ATF7IP: variants seen among roughly 807,000 people sequenced by gnomAD.
The protein encoded by ATF7IP is activating transcription factor 7-interacting protein 1.
In ATF7IP, 23 loss-of-function variants were observed where a neutral mutation model predicts 106.4. That is an observed-to-expected ratio of 0.22 (90% CI 0.16 to 0.31). The LOEUF (loss-of-function observed/expected upper bound fraction) is 0.31, where lower values mean the gene tolerates loss of function less well. Ranked by LOEUF, ATF7IP falls within the 10% of genes least tolerant of loss-of-function variation. ATF7IP has a pLI of 1.00. For missense variants in ATF7IP, 1,334 were observed against 1,524.3 expected (o/e 0.88, Z 2.08); for synonymous variants, 542 against 539.0 (o/e 1.01, Z -0.08).
chr12:14,467,492 G>C (rs1357675750), intron 10 of ATF7IP, among the ~76,000 whole-genome samples: 1 of 152,124 alleles, frequency 6.6e-6, no homozygotes, highest in African/African-American at 2.4e-5. Context: ...AGTTGTGATT[G>C]TTTCTGAGCA....
chr12:14,408,039 T>C (rs142155606), intron 1 of ATF7IP, among the ~76,000 whole-genome samples: 90 of 152,148 alleles, frequency 5.9e-4, no homozygotes, highest in African/African-American at 2.1e-3. Flanking sequence ...GAAACTTTAA[T>C]GTATTAGGAC....
chr12:14,460,304 T>C (rs2136720202), intron 8 of ATF7IP, among the ~76,000 whole-genome samples, 191 bp from the exon 9 acceptor site: 1 of 152,304 alleles, frequency 6.6e-6, no homozygotes, highest in African/African-American at 2.4e-5. Flanking sequence ...TAAAACTACA[T>C]GCAAAATGCT....
chr12:14,388,674 T>C (rs1454470305), intron 1 of ATF7IP, among the ~76,000 whole-genome samples: 2 of 152,040 alleles, frequency 1.3e-5, no homozygotes, highest in Non-Finnish European at 2.9e-5. Context: ...GGAGACAGAG[T>C]CTCACTCTGT....
rs144177527 is a variant in ATF7IP at position 14,483,152 on chromosome 12, T to C, written c.3280+1967T>C. ...CTTCTACTACCCATTCTGTGTTCTC[T>C]TTGCCTTCAGCAAGCACCTCAGCTG... is the stretch of plus-strand genomic sequence containing the variant. On this transcript the variant is annotated intron_variant, in intron 13 of 14. Transcript: ENST00000261168. Among the ~76,000 whole-genome samples, 5 of 152,352 alleles carry C rather than the reference T, an allele frequency of 3.3e-5. No homozygotes were observed. In the East Asian group the frequency reaches 9.6e-4, roughly 29 times the overall value.
chr12:14,425,056 C>T lies in ATF7IP; in HGVS notation c.1141C>T (p.Leu381Phe), dbSNP rs755332845. 2.5e-6 allele frequency: 4 copies of T among 1,604,732 alleles called. No homozygotes were observed. The highest frequency in any genetic ancestry group is 3.4e-6 in the Non-Finnish European group (4 of 1,177,574). ...VEEDIITELA[L>F]GEDAISSSME... is the part of the protein sequence containing the mutation. ...GGAAGATATTATCACAGAGCTTGCT[C>T]TTGGAGAAGATGCTATATCTAGCAG... Residue 381 changes from leucine to phenylalanine, a missense_variant, in exon 2 of 15, where the codon CTT (leucine) becomes TTT (phenylalanine). Physicochemically the swap from Leu to Phe is conservative, Grantham distance 22 (BLOSUM62 0). Transcript: ENST00000261168.
chr12:14,475,923 G>A lies in ATF7IP; in HGVS notation c.2896G>A (p.Val966Ile), dbSNP rs748393012. Residue 966 changes from valine (V) to isoleucine (I), a missense_variant, in exon 11 of 15, where the codon GTC becomes ATC. By Grantham distance (29) the Val-to-Ile change is conservative. Coordinates refer to ENST00000261168, the MANE Select transcript of ATF7IP (RefSeq NM_018179.5). ...GKATGSDSSGVIDLTMDDEES... is the reference protein window; with the variant it reads ...GKATGSDSSGIIDLTMDDEES... Reference sequence around the variant, plus strand: ...AGCCACTGGCAGTGATTCAAGTGGTGTCATTGATCTCACAATGGATGATGA... The same window carrying A: ...AGCCACTGGCAGTGATTCAAGTGGTATCATTGATCTCACAATGGATGATGA... 2 of 1,613,804 alleles carry A rather than the reference G, an allele frequency of 1.2e-6. No individual in the cohort carries two copies. Among genetic ancestry groups the A allele is most frequent in the Non-Finnish European group, 1.7e-6 (2 of 1,179,896 alleles).
chr12:14,380,670 G>C (rs1433810353), intron 1 of ATF7IP, among the ~76,000 whole-genome samples: 2 of 152,148 alleles, frequency 1.3e-5, no homozygotes, highest in African/African-American at 2.4e-5. Flanking sequence ...GCTCAGGCCA[G>C]AGTGCACTGG....
chr12:14,430,340 T>C (rs1942055761), intron 2 of ATF7IP, among the ~76,000 whole-genome samples: 1 of 152,186 alleles, frequency 6.6e-6, no homozygotes, highest in African/African-American at 2.4e-5. Context: ...GGGGCAGTTT[T>C]GGTGAATGGT....
At chr12:14,417,996 G>A (rs1941290096) in intron 1 of ATF7IP, among the ~76,000 whole-genome samples, 1 of 152,106 alleles carries the variant, frequency 6.6e-6, no homozygotes, top group South Asian at 2.1e-4. Context: ...GCTTCCCTTT[G>A]TTGTTTCATT....
chr12:14,370,827 G>T (rs1039743439), intron 1 of ATF7IP, among the ~76,000 whole-genome samples: 2 of 151,850 alleles, frequency 1.3e-5, no homozygotes, highest in African/African-American at 4.8e-5. Context: ...GAAGTTAGAC[G>T]TGGGAAAAAT....
intron 13 of ATF7IP, among the ~76,000 whole-genome samples, chr12:14,483,525 C>T (rs979391039): frequency 1.8e-4 from 27 of 152,244 alleles, no homozygotes; most frequent in Admixed American, 1.3e-3. Flanking sequence ...GTTCCTCCCT[C>T]TGGAACTAAG....
intron 1 of ATF7IP, chr12:14,420,191 G>A (rs1254108490): frequency 2.0e-5 from 3 of 152,184 alleles, no homozygotes; most frequent in Non-Finnish European, 4.4e-5. Flanking sequence ...AGTATAGGTT[G>A]GGTTATTTTG....
At chr12:14,437,972 G>A (rs1242512621) in intron 4 of ATF7IP, among the ~76,000 whole-genome samples, 158 bp from the exon 5 acceptor site, 1 of 152,040 alleles carries the variant, frequency 6.6e-6, no homozygotes, top group Non-Finnish European at 1.5e-5. Context: ...AGAATGGCGT[G>A]AACCCGGGAG....
intron 11 of ATF7IP, among the ~76,000 whole-genome samples, chr12:14,477,850 C>A (rs1401132134): frequency 6.6e-6 from 1 of 152,034 alleles, no homozygotes; most frequent in Non-Finnish European, 1.5e-5. Flanking sequence ...TGAGATTAGT[C>A]ATTCTTTGAC....
At chr12:14,487,097 A>G (rs1184367798) in intron 13 of ATF7IP, among the ~76,000 whole-genome samples, 3 of 150,086 alleles carry the variant, frequency 2.0e-5, no homozygotes, top group South Asian at 2.1e-4. Context: ...CCTTATTTCA[A>G]CTAACCAAGC....
At chr12:14,413,726 G>A (rs1270297277) in intron 1 of ATF7IP, among the ~76,000 whole-genome samples, 2 of 151,954 alleles carry the variant, frequency 1.3e-5, no homozygotes, top group Non-Finnish European at 2.9e-5. Flanking sequence ...ATTATTCCTC[G>A]ATAAGCATCA....
At position 14,487,417 on chromosome 12, in the gene ATF7IP, G is replaced by A. The variant is rs534168713; in HGVS notation, c.3280+6232G>A. ...TAGAAGCAAAGAGAGGTGTTTGGAG[G>A]GGCTCCTGAGAAGAGTCAACATTGT... On this transcript the variant is annotated intron_variant, in intron 13 of 14. Coordinates refer to ENST00000261168, the MANE Select transcript of ATF7IP (RefSeq NM_018179.5). Among the ~76,000 whole-genome samples the A allele has an allele frequency of 2.6e-5, 4 of 152,222 alleles. No homozygotes were observed. The South Asian group carries it at 8.3e-4, about 32-fold the overall frequency.
intron 2 of ATF7IP, among the ~76,000 whole-genome samples, chr12:14,427,298 T>G (rs1208354895): frequency 1.3e-5 from 2 of 151,870 alleles, no homozygotes; most frequent in Non-Finnish European, 2.9e-5. Flanking sequence ...AAATTTTAAT[T>G]TTTTTGTAGA....
At chr12:14,483,931 C>T (rs762634684) in intron 13 of ATF7IP, among the ~76,000 whole-genome samples, 4 of 152,076 alleles carry the variant, frequency 2.6e-5, no homozygotes, top group Non-Finnish European at 4.4e-5. Context: ...AATGCCATGA[C>T]GGTGGATAAG....
Sources: allele counts gnomAD v4.1 joint callset (sites outside exome capture counted in the v4.1 genomes callset), GRCh38; gene constraint gnomAD v4.1.1; transcripts MANE v1.5; gene names NCBI Gene and HGNC (gene_info 2026-07-23, HGNC 2026-07-21).